Variants in MTRF1 observed in about 807,000 individuals in gnomAD.
MTRF1 encodes the protein mitochondrial translation release factor 1, also known as peptide chain release factor 1, mitochondrial.
MTRF1 carries 51 observed loss-of-function variants against 62.9 expected under a neutral mutation model. That is an observed-to-expected ratio of 0.81 (90% CI 0.65 to 1.02). MTRF1 has a LOEUF of 1.02. MTRF1 is among the 50% of genes least tolerant of loss of function. The pLI is 0.00. For synonymous variants in MTRF1, 158 were observed against 181.9 expected, an observed-to-expected ratio of 0.87 and a Z score of 1.06; for missense variants, 446 against 530.0, an observed-to-expected ratio of 0.84 and a Z score of 1.56.
At chr13:41,288,172 C>G in the MTRF1 span, 1 of 498,608 alleles carries the variant, frequency 2.0e-6, no homozygotes, top group South Asian at 1.5e-5. Context: ...GATTCACTGG[C>G]TTTCCATCTA....
the MTRF1 span, among the ~76,000 whole-genome samples, chr13:41,300,249 A>C: frequency 6.6e-6 from 1 of 152,308 alleles, no homozygotes; most frequent in Non-Finnish European, 1.5e-5. Flanking sequence ...CCCTGAATAC[A>C]CACTTCTGTT....
the MTRF1 span, among the ~76,000 whole-genome samples, chr13:41,281,889 CACT>C: frequency 6.6e-6 from 1 of 152,146 alleles, no homozygotes; most frequent in African/African-American, 2.4e-5. Flanking sequence ...GTAATCCCAG[CACT>C]TTGGGAGGCC....
rs1364011606 is a variant in MTRF1 at position 41,249,609 on chromosome 13, A to AT, written c.697+3035dup. Among the ~76,000 whole-genome samples, 548 of 84,208 alleles carry AT rather than the reference A, an allele frequency of 6.5e-3. 5 individuals are homozygous for AT. The highest frequency in any genetic ancestry group is 0.021 in the African/African-American group (478 of 22,766). The allele number at this position is 84,208 out of a possible 152,430, so 55.2% of individuals were successfully genotyped here. On this transcript the variant is annotated intron_variant, in intron 5 of 9. Coordinates refer to ENST00000379480, the MANE Select transcript of MTRF1 (RefSeq NM_004294.4). ...AATAAAGGTTTATTCTTAGTCTTTGATTTTTTTTTCTTTTTTTTTTTTTTT... is the reference window on the plus strand; with the variant it reads ...AATAAAGGTTTATTCTTAGTCTTTGATTTTTTTTTTCTTTTTTTTTTTTTTT...
rs775456730 is a variant in MTRF1 at position 41,223,299 on chromosome 13, C to G, written c.1181G>C (p.Arg394Thr). Reference sequence around the variant, plus strand: ...ATATGCTATCCTGTGGTCACTGACTCTATCCTGGGTGAAATTATATGTCCG... The same window carrying G: ...ATATGCTATCCTGTGGTCACTGACTGTATCCTGGGTGAAATTATATGTCCG... ...RIRTYNFTQD[R>T]VSDHRIAYEV... The change falls in exon 9 of 10, where the codon AGA becomes ACA. Residue 394 changes from arginine (R) to threonine (T), a missense_variant. Transcript: ENST00000379480. The G allele has an allele frequency of 6.2e-7, 1 of 1,614,064 alleles. No homozygotes were observed. The highest frequency in any genetic ancestry group is 1.7e-5 in the Admixed American group (1 of 60,014).
intron 2 of MTRF1, chr13:41,257,551 T>G (rs142092376): frequency 2.1e-3 from 373 of 173,686 alleles, no homozygotes; most frequent in Middle Eastern, 8.3e-3. Flanking sequence ...CTTTGCAAAT[T>G]TAACCTTTCA....
the MTRF1 span, among the ~76,000 whole-genome samples, chr13:41,280,723 A>C: frequency 1.3e-5 from 2 of 152,162 alleles, no homozygotes; most frequent in Admixed American, 6.5e-5. Context: ...GCCACTGGTC[A>C]CTCATATTTG....
the MTRF1 span, among the ~76,000 whole-genome samples, chr13:41,285,857 A>G: frequency 6.6e-6 from 1 of 152,072 alleles, no homozygotes; most frequent in African/African-American, 2.4e-5. Flanking sequence ...TGAGGTCAAG[A>G]GTTTGAGAAC....
chr13:41,240,149 C>A (rs1161353197), intron 6 of MTRF1, 112 bp downstream of exon 6: 8 of 1,100,552 alleles, frequency 7.3e-6, no homozygotes, highest in South Asian at 1.7e-5. Flanking sequence ...GGCGACAGAG[C>A]GAGACTCTGT....
intron 5 of MTRF1, among the ~76,000 whole-genome samples, chr13:41,242,364 A>G (rs903820752): frequency 6.6e-6 from 1 of 152,226 alleles, no homozygotes; most frequent in African/African-American, 2.4e-5. Flanking sequence ...TTTGTATGGC[A>G]TAACAAGATA....
chr13:41,283,736 C>G, the MTRF1 span, among the ~76,000 whole-genome samples: 1 of 151,042 alleles, frequency 6.6e-6, no homozygotes, highest in South Asian at 2.1e-4. Flanking sequence ...ACCACAGGCG[C>G]CCGCCACTAC....
the MTRF1 span, among the ~76,000 whole-genome samples, chr13:41,311,985 C>T: frequency 6.6e-6 from 1 of 152,206 alleles, no homozygotes; most frequent in Non-Finnish European, 1.5e-5. Flanking sequence ...AGGTGTTTTG[C>T]GTTCTGCATT....
intron 6 of MTRF1, among the ~76,000 whole-genome samples, chr13:41,239,631 A>G (rs1016545413): frequency 6.6e-6 from 1 of 152,188 alleles, no homozygotes; most frequent in Admixed American, 6.5e-5. Context: ...AGATAGATAC[A>G]TGGTCCCCAT....
chr13:41,217,787 TCTGA>T (rs1229238583), intron 9 of MTRF1, among the ~76,000 whole-genome samples: 1 of 152,242 alleles, frequency 6.6e-6, no homozygotes, highest in Non-Finnish European at 1.5e-5. Context: ...CTCCTCTGGA[TCTGA>T]CTGAGAGGAA....
At chr13:41,247,287 G>A (rs2038393677) in intron 5 of MTRF1, among the ~76,000 whole-genome samples, 1 of 152,220 alleles carries the variant, frequency 6.6e-6, no homozygotes, top group South Asian at 2.1e-4. Context: ...GGGCTAGAGA[G>A]CTGATATACC....
the MTRF1 span, chr13:41,288,259 A>T: frequency 6.1e-6 from 2 of 329,766 alleles, no homozygotes; most frequent in Non-Finnish European, 1.2e-5. Context: ...TGTAACACTG[A>T]TTAGTAGGCA....
intron 7 of MTRF1, among the ~76,000 whole-genome samples, chr13:41,233,553 T>C (rs1377221157): frequency 6.6e-6 from 1 of 152,184 alleles, no homozygotes; most frequent in Non-Finnish European, 1.5e-5. Context: ...TTAGCTGTCA[T>C]GCTACAAGGT....
the MTRF1 span, among the ~76,000 whole-genome samples, chr13:41,274,806 T>C: frequency 6.6e-6 from 1 of 151,816 alleles, no homozygotes; most frequent in Non-Finnish European, 1.5e-5. Context: ...CGGCTAATTT[T>C]TGTATTATTA....
At chr13:41,270,348 T>C in the MTRF1 span, among the ~76,000 whole-genome samples, 2 of 136,694 alleles carry the variant, frequency 1.5e-5, no homozygotes, top group African/African-American at 5.1e-5. Context: ...ATTAAAATAT[T>C]TGATTCACAT....
At chr13:41,281,263 A>G in the MTRF1 span, among the ~76,000 whole-genome samples, 1 of 152,184 alleles carries the variant, frequency 6.6e-6, no homozygotes, top group Admixed American at 6.5e-5. Context: ...TTTCCCGCTC[A>G]CTGTTAGACA....
Sources: gnomAD v4.1 joint callset for allele counts (sites outside exome capture counted in the v4.1 genomes callset) on GRCh38, gnomAD v4.1.1 for gene constraint, MANE v1.5 for transcripts, NCBI Gene and HGNC (gene_info 2026-07-23, HGNC 2026-07-21) for gene names.